GSK3B: variants seen among roughly 807,000 people sequenced by gnomAD.
GSK3B encodes glycogen synthase kinase 3 beta.
In GSK3B, 15 loss-of-function variants were observed where a neutral mutation model predicts 56.4. That is an observed-to-expected ratio of 0.27 (90% CI 0.18 to 0.41). The LOEUF is 0.41. Among genes scored for constraint, GSK3B ranks in the 10% least tolerant of loss-of-function variants. The probability of loss-of-function intolerance (pLI) is 1.00; values close to 1 mark genes in which losing one functional copy is unlikely to be tolerated. For synonymous variants in GSK3B, 181 were observed against 188.9 expected, an observed-to-expected ratio of 0.96 and a Z score of 0.34; for missense variants, 300 against 513.4, an observed-to-expected ratio of 0.58 and a Z score of 4.02.
At position 119,946,260 on chromosome 3, in the gene GSK3B, G is replaced by A. The variant is rs1460194333; in HGVS notation, c.366+1008C>T. Among the ~76,000 whole-genome samples the A allele has an allele frequency of 2.0e-5, 3 of 151,966 alleles. No homozygotes were observed. In the East Asian group the frequency reaches 5.8e-4, roughly 29 times the overall value. On this transcript the variant is annotated intron_variant, in intron 3 of 10. Coordinates refer to ENST00000264235, the MANE Select transcript of GSK3B (RefSeq NM_001146156.2). ...GACATCTTCCTATATAATAGGCACT[G>A]TAATGTAAAAAGACTTTCTATGGAA... is the stretch of plus-strand genomic sequence containing the variant.
chr3:120,056,608 G>C (rs1048110874), intron 1 of GSK3B, among the ~76,000 whole-genome samples: 1 of 152,044 alleles, frequency 6.6e-6, no homozygotes, highest in African/African-American at 2.4e-5. Context: ...CCAAAGTGCT[G>C]GTATACAGAC....
chr3:119,861,269 G>A (rs1053552861), intron 9 of GSK3B, among the ~76,000 whole-genome samples: 1 of 151,988 alleles, frequency 6.6e-6, no homozygotes, highest in East Asian at 1.9e-4. Flanking sequence ...CCAGCACTTT[G>A]GGAGGCCAAG....
intron 1 of GSK3B, among the ~76,000 whole-genome samples, chr3:120,003,215 T>C (rs546582347): frequency 3.3e-5 from 5 of 152,318 alleles, no homozygotes; most frequent in Admixed American, 3.3e-4. Flanking sequence ...CTTCTTTCCT[T>C]TTTTGCCTTC....
intron 1 of GSK3B, among the ~76,000 whole-genome samples, chr3:120,036,562 G>A (rs1037794780): frequency 4.6e-5 from 7 of 152,224 alleles, no homozygotes; most frequent in African/African-American, 1.2e-4. Flanking sequence ...GGAAGCCAAG[G>A]TGGGCAGATC....
intron 8 of GSK3B, among the ~76,000 whole-genome samples, chr3:119,865,803 T>C (rs554966572): frequency 7.0e-4 from 107 of 152,144 alleles, no homozygotes; most frequent in African/African-American, 2.5e-3. Context: ...CCCATATCTT[T>C]TGGTGTTTTA....
At position 120,093,327 on chromosome 3, in the gene GSK3B, A is replaced by C. The variant is rs1012282904; in HGVS notation, c.88+20T>G. The C allele has an allele frequency of 3.9e-6, 6 of 1,533,150 alleles. No individual in the cohort carries two copies. In the African/African-American group the frequency reaches 8.2e-5, roughly 21 times the overall value. 95.0% of individuals were successfully genotyped at this position (1,533,150 alleles called of 1,614,324 possible). A position where few individuals can be genotyped will look rare whatever the true frequency, so the allele number is the denominator to read the frequency against. ...TAAGGGCGAGGTGGAAAAGGGGTGTAAAATAAAACCAATACTCACTGCTAA... is the reference window on the plus strand; with the variant it reads ...TAAGGGCGAGGTGGAAAAGGGGTGTCAAATAAAACCAATACTCACTGCTAA... On this transcript the variant is annotated intron_variant, in intron 1 of 10. Coordinates refer to ENST00000264235, the MANE Select transcript of GSK3B (RefSeq NM_001146156.2).
At chr3:119,937,159 A>G (rs1361311234) in intron 3 of GSK3B, among the ~76,000 whole-genome samples, 3 of 152,140 alleles carry the variant, frequency 2.0e-5, no homozygotes, top group Admixed American at 6.5e-5. Flanking sequence ...AAGATAACAG[A>G]CAACACACTT....
At chr3:120,036,612 G>GC (rs1576287649) in intron 1 of GSK3B, among the ~76,000 whole-genome samples, 1 of 151,962 alleles carries the variant, frequency 6.6e-6, no homozygotes, top group East Asian at 1.9e-4. Flanking sequence ...GGCCAACATG[G>GC]CAAAACCCCG....
At chr3:119,860,776 G>A (rs184357257) in intron 9 of GSK3B, among the ~76,000 whole-genome samples, 220 of 152,288 alleles carry the variant, frequency 1.4e-3, no homozygotes, top group African/African-American at 5.1e-3. Context: ...CTGGTTGTAT[G>A]AATTAATGAA....
chr3:120,091,821 C>T (rs910528531), intron 1 of GSK3B, among the ~76,000 whole-genome samples: 1 of 147,170 alleles, frequency 6.8e-6, no homozygotes, highest in Non-Finnish European at 1.5e-5. Flanking sequence ...TTGCAAGCCA[C>T]AAGAAAAAAA....
In GSK3B at chr3:119,889,375, T is replaced by C. The variant is rs1245413998; in HGVS notation, c.814-12867A>G. On this transcript the variant is annotated intron_variant, in intron 7 of 10. Transcript: ENST00000264235. Reference sequence around the variant, plus strand: ...CTATAAACAACAAATATTGTAAGGATTATAACATGTAGAATTAAAAAGTAT... The same window carrying C: ...CTATAAACAACAAATATTGTAAGGACTATAACATGTAGAATTAAAAAGTAT... 2.0e-5 allele frequency among the ~76,000 whole-genome samples: 3 copies of C among 152,214 alleles called. No individual in the cohort carries two copies. The East Asian group carries it at 5.8e-4, about 29-fold the overall frequency.
intron 1 of GSK3B, among the ~76,000 whole-genome samples, chr3:120,057,230 AT>A (rs1363957321): frequency 3.9e-5 from 6 of 152,184 alleles, no homozygotes; most frequent in South Asian, 2.1e-4. Flanking sequence ...TAAATCAACA[AT>A]TTTTTTTAAA....
rs201267724 is a variant in GSK3B, at chr3:120,002,348, T to TC, written c.89-110_89-109insG. 7.1e-3 allele frequency: 3,793 copies of TC among 537,490 alleles called. 22 individuals carry two copies. The highest frequency in any genetic ancestry group is 9.2e-3 in the Non-Finnish European group (3,141 of 342,344). The allele number at this position is 537,490 out of a possible 1,614,324, so 33.3% of individuals were successfully genotyped here. On this transcript the variant is annotated intron_variant, in intron 1 of 10. Coordinates refer to ENST00000264235, the MANE Select transcript of GSK3B (RefSeq NM_001146156.2). ...ATATTCTTTATTTTTTATTTTATTT[T>TC]TTTTTTTGAGATGGAGTCTCACTCT... is the stretch of plus-strand genomic sequence containing the variant.
chr3:119,890,900 G>A (rs1166792999), intron 7 of GSK3B, among the ~76,000 whole-genome samples: 1 of 151,934 alleles, frequency 6.6e-6, no homozygotes, highest in Non-Finnish European at 1.5e-5. Flanking sequence ...TATACAATAT[G>A]CATATTTTTT....
chr3:120,083,535 TAA>T (rs1352556467), intron 1 of GSK3B, among the ~76,000 whole-genome samples: 2 of 152,058 alleles, frequency 1.3e-5, no homozygotes, highest in Admixed American at 1.3e-4. Flanking sequence ...ATGGCAACAA[TAA>T]AGTCTAAAAA....
chr3:119,985,789 C>T (rs186189519), intron 2 of GSK3B, among the ~76,000 whole-genome samples: 2 of 152,260 alleles, frequency 1.3e-5, no homozygotes, highest in African/African-American at 4.8e-5. Flanking sequence ...AATGTCATCC[C>T]CATGAAGCTA....
At chr3:119,865,533 G>A (rs1283281761) in intron 8 of GSK3B, among the ~76,000 whole-genome samples, 8 of 131,842 alleles carry the variant, frequency 6.1e-5, no homozygotes, top group African/African-American at 8.7e-5. Context: ...GCAGTGGCCC[G>A]ATCTTGGCTC....
intron 9 of GSK3B, 26 bp from the exon 10 acceptor site, chr3:119,843,379 T>TA (rs2055806922): frequency 8.0e-7 from 1 of 1,247,544 alleles, no homozygotes; most frequent in Non-Finnish European, 1.2e-6. Flanking sequence ...ACACAAATGT[T>TA]AGAGTCCACT....
chr3:120,076,886 A>C (rs957642333), intron 1 of GSK3B, among the ~76,000 whole-genome samples: 12 of 151,806 alleles, frequency 7.9e-5, no homozygotes, highest in Non-Finnish European at 1.8e-4. Context: ...GACCTAAAAA[A>C]CGGCCAACAG....
Sources: gnomAD v4.1 joint callset for allele counts (sites outside exome capture counted in the v4.1 genomes callset) on GRCh38, gnomAD v4.1.1 for gene constraint, MANE v1.5 for transcripts, NCBI Gene and HGNC (gene_info 2026-07-23, HGNC 2026-07-21) for gene names.